The following ACBD6 variants were observed in gnomAD, a reference collection of about 807,000 sequenced individuals.
ACBD6 encodes acyl-CoA binding domain containing 6, also known as acyl-CoA-binding domain-containing protein 6.
In ACBD6, 28 loss-of-function variants were observed where a neutral mutation model predicts 37.2. That is an observed-to-expected ratio of 0.75 (90% confidence interval 0.56 to 1.03). The LOEUF (loss-of-function observed/expected upper bound fraction) is 1.03, where lower values mean the gene tolerates loss of function less well. Ranked by LOEUF, ACBD6 falls within the 50% of genes least tolerant of loss-of-function variation. The probability of loss-of-function intolerance (pLI) is 0.00; values close to 1 mark genes in which losing one functional copy is unlikely to be tolerated. For missense variants in ACBD6, 340 were observed against 337.4 expected, an observed-to-expected ratio of 1.01 and a Z score of -0.06; for synonymous variants, 113 against 126.8, an observed-to-expected ratio of 0.89 and a Z score of 0.73.
intron 9 of ACBD6, among the ~76,000 whole-genome samples, chr1:180,280,029 A>C (rs1369179961): frequency 6.6e-6 from 1 of 152,170 alleles, no homozygotes; most frequent in African/African-American, 2.4e-5. Context: ...ATTAAATAAA[A>C]CTAAAAGTTT....
At chr1:180,290,913 A>C (rs947819065) in intron 7 of ACBD6, among the ~76,000 whole-genome samples, 6 of 152,194 alleles carry the variant, frequency 3.9e-5, no homozygotes, top group Non-Finnish European at 8.8e-5. Flanking sequence ...AGTGATCCAC[A>C]GGCATTTATG....
At chr1:180,402,809 A>C (rs937849379) in intron 5 of ACBD6, among the ~76,000 whole-genome samples, 3 of 151,900 alleles carry the variant, frequency 2.0e-5, no homozygotes, top group African/African-American at 7.2e-5. Flanking sequence ...AAAGAAAAAA[A>C]AAAAAATCCC....
intron 6 of ACBD6, among the ~76,000 whole-genome samples, chr1:180,380,974 C>T (rs1414731232): frequency 2.6e-5 from 4 of 152,122 alleles, no homozygotes; most frequent in East Asian, 1.9e-4. Flanking sequence ...CTACGAGAAA[C>T]TCATCTCACC....
At chr1:180,369,019 CAA>C (rs1022942176) in intron 6 of ACBD6, among the ~76,000 whole-genome samples, 27 of 152,252 alleles carry the variant, frequency 1.8e-4, no homozygotes, top group African/African-American at 6.5e-4. Context: ...ATTTTAAAAA[CAA>C]ATCTTATTCA....
intron 1 of ACBD6, among the ~76,000 whole-genome samples, chr1:180,499,899 T>C (rs1651887060): frequency 6.6e-6 from 1 of 152,184 alleles, no homozygotes. Flanking sequence ...ATATTCATAA[T>C]AATGACCATC....
At chr1:180,491,945 G>C (rs1278767741) in intron 3 of ACBD6, among the ~76,000 whole-genome samples, 4 of 152,096 alleles carry the variant, frequency 2.6e-5, no homozygotes, top group Non-Finnish European at 4.4e-5. Flanking sequence ...GAGTAGCTGG[G>C]ATTACAGGTG....
At chr1:180,493,926 G>C (rs929531271) in intron 2 of ACBD6, among the ~76,000 whole-genome samples, 3 of 152,194 alleles carry the variant, frequency 2.0e-5, no homozygotes, top group African/African-American at 7.2e-5. Context: ...GATTAATCAT[G>C]ATTAGAATTG....
exon 14 of ACBD6, chr1:180,270,300 A>AAAAG (rs896919722): frequency 6.6e-6 from 1 of 152,306 alleles, no homozygotes; most frequent in African/African-American, 2.4e-5. Context: ...AAGAAAGGAG[A>AAAAG]AAAGACAGAG....
chr1:180,485,066 C>A (rs2102076751), intron 3 of ACBD6, among the ~76,000 whole-genome samples: 1 of 148,230 alleles, frequency 6.7e-6, no homozygotes, highest in Non-Finnish European at 1.5e-5. Context: ...CAGAGTGAGA[C>A]TCTGTCTCAA....
chr1:180,390,272 T>C (rs942572899), intron 6 of ACBD6, among the ~76,000 whole-genome samples: 2 of 150,240 alleles, frequency 1.3e-5, no homozygotes, highest in African/African-American at 2.4e-5. Flanking sequence ...CCTTTCCCCA[T>C]TGCTTGTTTT....
intron 5 of ACBD6, among the ~76,000 whole-genome samples, chr1:180,405,172 G>A (rs1014651467): frequency 3.3e-5 from 5 of 152,070 alleles, no homozygotes; most frequent in African/African-American, 1.2e-4. Flanking sequence ...TTTAGTCTCA[G>A]TATACCGACC....
chr1:180,374,916 C>T (rs1003762266), intron 6 of ACBD6, among the ~76,000 whole-genome samples: 7 of 151,836 alleles, frequency 4.6e-5, no homozygotes, highest in Admixed American at 2.0e-4. Context: ...ATGTGTAAAA[C>T]CTATATGAGA....
intron 6 of ACBD6, among the ~76,000 whole-genome samples, chr1:180,358,579 C>T (rs1411697325): frequency 7.1e-6 from 1 of 140,046 alleles, no homozygotes; most frequent in Non-Finnish European, 1.6e-5. Context: ...AAAAGAAAAA[C>T]AATTTTAATA....
At chr1:180,445,418 G>A (rs1263452046) in intron 3 of ACBD6, among the ~76,000 whole-genome samples, 2 of 152,082 alleles carry the variant, frequency 1.3e-5, no homozygotes, top group Non-Finnish European at 2.9e-5. Context: ...AATACTTAAG[G>A]AATATTTTCT....
intron 6 of ACBD6, among the ~76,000 whole-genome samples, chr1:180,378,561 T>C (rs1333430715): frequency 6.6e-6 from 1 of 152,214 alleles, no homozygotes; most frequent in Non-Finnish European, 1.5e-5. Flanking sequence ...TGCACTGCTT[T>C]TGCAACTTTT....
downstream of ACBD6, among the ~76,000 whole-genome samples, chr1:180,285,510 T>A (rs1649462342): frequency 6.6e-6 from 1 of 152,178 alleles, no homozygotes; most frequent in South Asian, 2.1e-4. Context: ...AGCTGATGGG[T>A]TACATACCTA....
At chr1:180,493,281 A>G (rs1355692366) in intron 2 of ACBD6, among the ~76,000 whole-genome samples, 9 of 145,824 alleles carry the variant, frequency 6.2e-5, no homozygotes, top group Non-Finnish European at 1.2e-4. Context: ...AAAAAAAACA[A>G]CAACAGCAAC....
chr1:180,444,676 C>T (rs2102018095), intron 3 of ACBD6, among the ~76,000 whole-genome samples: 1 of 152,254 alleles, frequency 6.6e-6, no homozygotes, highest in Middle Eastern at 3.4e-3. Context: ...CCATTTCTCT[C>T]TACTCAAAAT....
intron 6 of ACBD6, among the ~76,000 whole-genome samples, chr1:180,384,880 C>A (rs1375555671): frequency 6.6e-6 from 1 of 152,068 alleles, no homozygotes; most frequent in African/African-American, 2.4e-5. Context: ...GCCCTTATGT[C>A]AAGTGAAATA....
Sources: allele counts gnomAD v4.1 joint callset (sites outside exome capture counted in the v4.1 genomes callset), GRCh38; gene constraint gnomAD v4.1.1; transcripts MANE v1.5; gene names NCBI Gene and HGNC (gene_info 2026-07-23, HGNC 2026-07-21).